Variants in AGAP1 observed in about 807,000 individuals in gnomAD.
The protein encoded by AGAP1 is arf-GAP with GTPase, ANK repeat and PH domain-containing protein 1.
AGAP1 carries 29 observed loss-of-function variants against 105.3 expected under a neutral mutation model. The ratio of observed to expected loss-of-function variants is 0.28; its 90% confidence interval spans 0.21 to 0.38. The LOEUF is 0.38. Among genes scored for constraint, AGAP1 ranks in the 10% least tolerant of loss-of-function variants. The pLI, the probability that AGAP1 is intolerant of heterozygous loss-of-function variation, is 1.00. For missense variants in AGAP1, 998 were observed against 1,165.1 expected, an observed-to-expected ratio of 0.86 and a Z score of 2.09; for synonymous variants, 509 against 485.9, an observed-to-expected ratio of 1.05 and a Z score of -0.63.
intron 5 of AGAP1, among the ~76,000 whole-genome samples, chr2:235,746,888 G>A (rs1952994272): frequency 3.3e-5 from 5 of 152,088 alleles, no homozygotes; most frequent in Admixed American, 2.6e-4. Flanking sequence ...ATCAGGTTCT[G>A]TTCTCTGAGT....
chr2:235,856,888 C>T (rs1559569483), intron 9 of AGAP1, among the ~76,000 whole-genome samples: 1 of 152,248 alleles, frequency 6.6e-6, no homozygotes, highest in African/African-American at 2.4e-5. Context: ...TCTGAGAGCA[C>T]GCTTGGTTCC....
At chr2:235,759,558 A>ATC (rs1361596615) in intron 6 of AGAP1, among the ~76,000 whole-genome samples, 2 of 152,200 alleles carry the variant, frequency 1.3e-5, no homozygotes, top group Admixed American at 1.3e-4. Flanking sequence ...CTAGTAGCTT[A>ATC]TCTCCCAGCG....
At chr2:236,059,293 C>A (rs1329518495) in intron 16 of AGAP1, among the ~76,000 whole-genome samples, 3 of 152,138 alleles carry the variant, frequency 2.0e-5, no homozygotes, top group African/African-American at 7.2e-5. Flanking sequence ...TACCTGTACA[C>A]TGAAAACTAC....
rs1948082228 is a variant in AGAP1 at position 235,665,032 on chromosome 2, G to T, written c.164-44147G>T. Among the ~76,000 whole-genome samples, 1 of 152,098 alleles carries T rather than the reference G, an allele frequency of 6.6e-6. No homozygotes were observed. Among genetic ancestry groups the T allele is most frequent in the Admixed American group, 6.5e-5 (1 of 15,272 alleles). The stretch of plus-strand genomic sequence containing the variant: ...GGTGAGGCGTTCGAGACCAGCCTGG[G>T]CAACATGGCAAGACCCTCCTCTCTA... On this transcript the variant is annotated intron_variant, in intron 1 of 17. Transcript: ENST00000304032. This position sits in a 1 kb window ranked among gnomAD's most constrained non-coding sequence, Gnocchi z 5.3.
At chr2:235,748,529 G>T (rs1575316423) in intron 5 of AGAP1, among the ~76,000 whole-genome samples, 1 of 152,202 alleles carries the variant, frequency 6.6e-6, no homozygotes, top group South Asian at 2.1e-4. Flanking sequence ...TCCCTGGAAC[G>T]GGGGTGCAGC....
chr2:236,024,868 A>G (rs183173251), intron 13 of AGAP1, among the ~76,000 whole-genome samples: 52 of 152,338 alleles, frequency 3.4e-4, no homozygotes, highest in African/African-American at 1.2e-3. Context: ...CTAAAATACT[A>G]TTATAGTGGA....
chr2:235,604,572 C>CTT lies in AGAP1; in HGVS notation c.164-104580_164-104579dup, dbSNP rs1166523228. Among the ~76,000 whole-genome samples, 89 of 69,678 alleles carry CTT rather than the reference C, an allele frequency of 1.3e-3. 20 individuals carry two copies. The highest frequency in any genetic ancestry group is 4.2e-3 in the African/African-American group (63 of 14,982). 45.7% of individuals were successfully genotyped at this position (69,678 alleles called of 152,430 possible). A position where few individuals can be genotyped will look rare whatever the true frequency, so the allele number is the denominator to read the frequency against. ...CGTGTTTCTTTTTTATTTTTATTATCTTTTTTTTTTTTTTTTTTTTTTTTT... is the reference window on the plus strand; with the variant it reads ...CGTGTTTCTTTTTTATTTTTATTATCTTTTTTTTTTTTTTTTTTTTTTTTTTT... On this transcript the variant is annotated intron_variant, in intron 1 of 17. Coordinates refer to ENST00000304032, the MANE Select transcript of AGAP1 (RefSeq NM_001037131.3).
Position 236,045,223 on chromosome 2 carries a change from T to G in AGAP1, c.1892-3836T>G, listed in dbSNP as rs1055948810. 1.7e-4 allele frequency among the ~76,000 whole-genome samples: 26 copies of G among 152,302 alleles called. No individual in the cohort carries two copies. Among genetic ancestry groups the G allele is most frequent in the African/African-American group, 6.3e-4 (26 of 41,572 alleles). ...GAGCCACTGTGCTGGGCCTAGTTTTTTTTATTTTTTCCTGCTTGGTCTGTC... is the reference window on the plus strand; with the variant it reads ...GAGCCACTGTGCTGGGCCTAGTTTTGTTTATTTTTTCCTGCTTGGTCTGTC... On this transcript the variant is annotated intron_variant, in intron 15 of 17. Coordinates refer to ENST00000304032, the MANE Select transcript of AGAP1 (RefSeq NM_001037131.3). This position sits in a 1 kb window ranked among gnomAD's most constrained non-coding sequence, Gnocchi z 6.9.
chr2:235,823,528 A>G (rs1019003294), intron 9 of AGAP1, among the ~76,000 whole-genome samples: 1 of 152,192 alleles, frequency 6.6e-6, no homozygotes, highest in Non-Finnish European at 1.5e-5. Flanking sequence ...CTCATCTTAT[A>G]CCTAGGGAAA....
chr2:235,933,523 G>A (rs62190951), intron 12 of AGAP1, among the ~76,000 whole-genome samples: 46,819 of 148,392 alleles, frequency 0.32, 8,127 homozygotes, highest in South Asian at 0.39. Flanking sequence ...GTTGATTCCT[G>A]TATTTTCTAA....
intron 6 of AGAP1, among the ~76,000 whole-genome samples, chr2:235,764,486 G>A (rs900346107): frequency 3.3e-5 from 5 of 152,274 alleles, no homozygotes; most frequent in East Asian, 1.9e-4. Context: ...TTTGGTGATC[G>A]TAAAAATCTG....
At position 235,600,968 on chromosome 2, in the gene AGAP1, T is replaced by G. The variant is rs377048184; in HGVS notation, c.163+106119T>G. On this transcript the variant is annotated intron_variant, in intron 1 of 17. Transcript: ENST00000304032. The surrounding 1 kb of genome is among the most constrained non-coding windows in gnomAD (Gnocchi z 4.8). Reference sequence around the variant, plus strand: ...TGCTCACTTTATTTTTACTGCTTGTTGTTCTGGCCCCAGATCTCAGAGTCC... The same window carrying G: ...TGCTCACTTTATTTTTACTGCTTGTGGTTCTGGCCCCAGATCTCAGAGTCC... Among the ~76,000 whole-genome samples, 5 of 152,262 alleles carry G rather than the reference T, an allele frequency of 3.3e-5. No homozygotes were observed. The East Asian group carries it at 9.7e-4, about 30-fold the overall frequency.
intron 12 of AGAP1, among the ~76,000 whole-genome samples, chr2:235,940,104 A>G (rs1274794927): frequency 1.3e-5 from 2 of 151,978 alleles, no homozygotes; most frequent in Non-Finnish European, 2.9e-5. Flanking sequence ...CAGTAGTTCA[A>G]AACACACCCA....
At position 235,931,934 on chromosome 2, in the gene AGAP1, C is replaced by T. The variant is rs917535410; in HGVS notation, c.1483+1011C>T. Among the ~76,000 whole-genome samples the T allele has an allele frequency of 2.0e-5, 3 of 152,134 alleles. No individual in the cohort carries two copies. Among genetic ancestry groups the T allele is most frequent in the East Asian group, 1.9e-4 (1 of 5,162 alleles). Reference sequence around the variant, plus strand: ...CACACACAGCGTCACGCGGCTGCCCCGGCTGGCCCATTCCCATCCCAGCGC... The same window carrying T: ...CACACACAGCGTCACGCGGCTGCCCTGGCTGGCCCATTCCCATCCCAGCGC... On this transcript the variant is annotated intron_variant, in intron 12 of 17. Transcript: ENST00000304032. This position sits in a 1 kb window ranked among gnomAD's most constrained non-coding sequence, Gnocchi z 5.6.
At chr2:235,794,550 C>A (rs1052876188) in intron 6 of AGAP1, among the ~76,000 whole-genome samples, 1 of 152,144 alleles carries the variant, frequency 6.6e-6, no homozygotes, top group Non-Finnish European at 1.5e-5. Flanking sequence ...TGGCTCACTG[C>A]GACCTCTGCC....
chr2:235,742,555 T>C (rs1288383867), intron 4 of AGAP1, among the ~76,000 whole-genome samples: 1 of 152,086 alleles, frequency 6.6e-6, no homozygotes, highest in East Asian at 1.9e-4. Flanking sequence ...CGTCTGGTAG[T>C]TTATAGTATG....
chr2:235,980,836 T>A (rs1374474095), intron 13 of AGAP1, among the ~76,000 whole-genome samples: 2 of 152,186 alleles, frequency 1.3e-5, no homozygotes, highest in Non-Finnish European at 2.9e-5. Flanking sequence ...CTCCCCTCGC[T>A]ATTGAGCTTG....
chr2:235,808,644 C>T (rs531553955), intron 9 of AGAP1, among the ~76,000 whole-genome samples: 21 of 152,292 alleles, frequency 1.4e-4, no homozygotes, highest in Non-Finnish European at 2.1e-4. Flanking sequence ...CTTCCGTGCT[C>T]ACAGGGCACG....
intron 1 of AGAP1, among the ~76,000 whole-genome samples, chr2:235,676,977 C>T (rs952380893): frequency 6.6e-6 from 1 of 152,112 alleles, no homozygotes; most frequent in Non-Finnish European, 1.5e-5. Context: ...AAAGAAGTAC[C>T]ATCTGCCCTT....
Sources: gnomAD v4.1 joint callset for allele counts (sites outside exome capture counted in the v4.1 genomes callset) on GRCh38, gnomAD v4.1.1 for gene constraint, Gnocchi (gnomAD v3.1) non-coding constraint, MANE v1.5 for transcripts, NCBI Gene and HGNC (gene_info 2026-07-23, HGNC 2026-07-21) for gene names.